Variants in CPA6 observed in about 807,000 individuals in gnomAD.
CPA6 encodes carboxypeptidase A6.
In CPA6, 58 loss-of-function variants were observed where a neutral mutation model predicts 63.3. That is an observed-to-expected ratio of 0.92 (90% confidence interval 0.74 to 1.14). The LOEUF is 1.14. CPA6 is among the 50% of genes most tolerant of loss of function. The pLI is 0.00. For missense variants in CPA6, 565 were observed against 526.6 expected (o/e 1.07, Z -0.71); for synonymous variants, 185 against 179.0 (o/e 1.03, Z -0.27).
chr8:67,431,190 A>T (rs1810020015), intron 9 of CPA6, among the ~76,000 whole-genome samples: 1 of 152,094 alleles, frequency 6.6e-6, no homozygotes, highest in South Asian at 2.1e-4. Context: ...AGACAAAGGA[A>T]AATAGGCTTA....
chr8:67,439,742 A>G (rs1455655556), intron 8 of CPA6, among the ~76,000 whole-genome samples: 1 of 152,162 alleles, frequency 6.6e-6, no homozygotes, highest in Non-Finnish European at 1.5e-5. Context: ...CAAATGACTG[A>G]TTTTATTTTA....
intron 8 of CPA6, among the ~76,000 whole-genome samples, chr8:67,445,049 A>G (rs1810381420): frequency 6.6e-6 from 1 of 152,172 alleles, no homozygotes; most frequent in African/African-American, 2.4e-5. Context: ...TAGAAAAGTT[A>G]GTGGAGTGGT....
intron 1 of CPA6, among the ~76,000 whole-genome samples, chr8:67,663,773 T>C (rs1030854945): frequency 1.3e-5 from 2 of 152,212 alleles, no homozygotes; most frequent in Non-Finnish European, 2.9e-5. Flanking sequence ...CAGTCTATCA[T>C]TGATGGGCAT....
chr8:67,607,975 C>G (rs1050314181), intron 2 of CPA6, among the ~76,000 whole-genome samples: 1 of 147,178 alleles, frequency 6.8e-6, no homozygotes, highest in Non-Finnish European at 1.5e-5. Context: ...GGGCAGCTTT[C>G]CTCTATGGAG....
chr8:67,652,993 A>C lies in CPA6; in HGVS notation c.117-28742T>G, dbSNP rs190403843. ...TTTTCCCAGCACCATTTATTAAATA[A>C]GGAATCCTTTCCCCATTGCTTGTTT... is the stretch of plus-strand genomic sequence containing the variant. On this transcript the variant is annotated intron_variant, in intron 1 of 10. Transcript: ENST00000297770. Among the ~76,000 whole-genome samples, 16 of 152,162 alleles carry C rather than the reference A, an allele frequency of 1.1e-4. No individual in the cohort carries two copies. The East Asian group carries it at 3.1e-3, about 29-fold the overall frequency.
chr8:67,552,956 C>T (rs984547509), intron 2 of CPA6, among the ~76,000 whole-genome samples: 3 of 151,972 alleles, frequency 2.0e-5, no homozygotes, highest in African/African-American at 7.2e-5. Context: ...TTGATTTAAA[C>T]TGTATAATTT....
intron 1 of CPA6, among the ~76,000 whole-genome samples, chr8:67,725,670 G>A (rs779648287): frequency 6.6e-6 from 1 of 152,062 alleles, no homozygotes; most frequent in Admixed American, 6.6e-5. Flanking sequence ...ACAGACTTGT[G>A]CCACTGTGCC....
intron 1 of CPA6, among the ~76,000 whole-genome samples, chr8:67,710,333 C>T (rs1027217436): frequency 6.6e-6 from 1 of 151,956 alleles, no homozygotes; most frequent in Non-Finnish European, 1.5e-5. Context: ...GTTAGTTAAT[C>T]TCTCTTAGAT....
At chr8:67,734,361 A>AG (rs1426150755) in intron 1 of CPA6, among the ~76,000 whole-genome samples, 1 of 151,776 alleles carries the variant, frequency 6.6e-6, no homozygotes, top group Non-Finnish European at 1.5e-5. Context: ...AAAAAAAAAA[A>AG]GAAAACCCTT....
intron 1 of CPA6, among the ~76,000 whole-genome samples, chr8:67,734,485 T>C (rs1817777267): frequency 6.6e-6 from 1 of 151,274 alleles, no homozygotes; most frequent in Admixed American, 6.6e-5. Context: ...TTCTGTCAGA[T>C]ATTACATTAA....
intron 8 of CPA6, among the ~76,000 whole-genome samples, chr8:67,470,914 C>T (rs1039286179): frequency 3.9e-5 from 6 of 152,034 alleles, no homozygotes; most frequent in African/African-American, 1.4e-4. Flanking sequence ...AATATCTGCC[C>T]TTGATGATCC....
intron 1 of CPA6, among the ~76,000 whole-genome samples, chr8:67,674,315 G>A (rs1587691539): frequency 6.6e-6 from 1 of 152,152 alleles, no homozygotes; most frequent in African/African-American, 2.4e-5. Context: ...GTTATGTTAC[G>A]ACTCCAAGAT....
At chr8:67,449,492 G>A (rs1166799810) in intron 8 of CPA6, among the ~76,000 whole-genome samples, 1 of 152,016 alleles carries the variant, frequency 6.6e-6, no homozygotes, top group South Asian at 2.1e-4. Context: ...CCTAAAAGCA[G>A]AATACAAAAT....
rs532815785 is a variant in CPA6 at position 67,673,385 on chromosome 8, T to C, written c.117-49134A>G. On this transcript the variant is annotated intron_variant, in intron 1 of 10. Coordinates refer to ENST00000297770, the MANE Select transcript of CPA6 (RefSeq NM_020361.5). Reference sequence around the variant, plus strand: ...TTATTATTATTATTATTATTATTTATTTATTTTTTTTTTTTTGAGACTGAA... The same window carrying C: ...TTATTATTATTATTATTATTATTTACTTATTTTTTTTTTTTTGAGACTGAA... Among the ~76,000 whole-genome samples, 322 of 133,230 alleles carry C rather than the reference T, an allele frequency of 2.4e-3. 2 individuals are homozygous for C. The highest frequency in any genetic ancestry group is 5.9e-3 in the Admixed American group (81 of 13,820). The allele number at this position is 133,230 out of a possible 152,430, so 87.4% of individuals were successfully genotyped here.
At chr8:67,586,383 A>G (rs1325550721) in intron 2 of CPA6, among the ~76,000 whole-genome samples, 2 of 152,310 alleles carry the variant, frequency 1.3e-5, no homozygotes, top group East Asian at 1.9e-4. Flanking sequence ...CATGCCAGTC[A>G]TAGAAGATTG....
chr8:67,706,600 T>C (rs1185086111), intron 1 of CPA6, among the ~76,000 whole-genome samples: 1 of 152,184 alleles, frequency 6.6e-6, no homozygotes, highest in African/African-American at 2.4e-5. Flanking sequence ...AATTAATTTG[T>C]AAAACAAATT....
intron 3 of CPA6, among the ~76,000 whole-genome samples, chr8:67,513,745 G>A (rs745722825): frequency 2.6e-5 from 4 of 152,084 alleles, no homozygotes; most frequent in South Asian, 2.1e-4. Context: ...AGAAACTGGC[G>A]TATCGATGAC....
At chr8:67,436,278 T>C (rs1329075687) in intron 8 of CPA6, among the ~76,000 whole-genome samples, 1 of 151,984 alleles carries the variant, frequency 6.6e-6, no homozygotes, top group Non-Finnish European at 1.5e-5. Flanking sequence ...TGCACTGGGG[T>C]TGGAGCCCAG....
At chr8:67,631,144 C>G (rs985837188) in intron 1 of CPA6, among the ~76,000 whole-genome samples, 3 of 152,206 alleles carry the variant, frequency 2.0e-5, no homozygotes, top group Non-Finnish European at 2.9e-5. Flanking sequence ...CCCGTGGCCC[C>G]GGTGTGGGAT....
Sources: gnomAD v4.1 joint callset for allele counts (sites outside exome capture counted in the v4.1 genomes callset) on GRCh38, gnomAD v4.1.1 for gene constraint, MANE v1.5 for transcripts, NCBI Gene and HGNC (gene_info 2026-07-23, HGNC 2026-07-21) for gene names.